Variants in NPAS1 observed in about 807,000 individuals in gnomAD.
NPAS1 encodes the protein neuronal PAS domain-containing protein 1.
A neutral mutation model predicts 49.2 loss-of-function variants in NPAS1; 29 were observed. That is an observed-to-expected ratio of 0.59 (90% CI 0.44 to 0.80). The LOEUF (loss-of-function observed/expected upper bound fraction) is 0.80. Among genes scored for constraint, NPAS1 ranks in the 30% least tolerant of loss-of-function variants. The pLI, the probability that NPAS1 is intolerant of heterozygous loss-of-function variation, is 0.00. For missense variants in NPAS1, 825 were observed against 835.5 expected (o/e 0.99, Z 0.15); for synonymous variants, 408 against 380.4 (o/e 1.07, Z -0.84).
At chr19:47,029,085 AT>A (rs2056890763) in intron 3 of NPAS1, among the ~76,000 whole-genome samples, 1 of 144,062 alleles carries the variant, frequency 6.9e-6, no homozygotes, top group Non-Finnish European at 1.5e-5. Flanking sequence ...TTTTGTTTTT[AT>A]TTTTGTTTTT....
At chr19:47,035,114 G>A (rs986640920) in intron 5 of NPAS1, among the ~76,000 whole-genome samples, 1 of 151,988 alleles carries the variant, frequency 6.6e-6, no homozygotes, top group Non-Finnish European at 1.5e-5. Flanking sequence ...CTGGGAGGCA[G>A]AGGTCACGGT....
intron 3 of NPAS1, among the ~76,000 whole-genome samples, chr19:47,028,238 G>T (rs1309753639): frequency 6.6e-6 from 1 of 152,138 alleles, no homozygotes; most frequent in Non-Finnish European, 1.5e-5. Flanking sequence ...CATTGTTCCT[G>T]CCTGTCACCC....
At position 47,045,328 on chromosome 19, in the gene NPAS1, TC is replaced by T. The variant is rs2057065617; in HGVS notation, c.1452del (p.Ser485AlafsTer19). ...GSEDSGDEDP[S>X]SHPATPRPEF... ...CGAGGACAGTGGCGACGAGGATCCC[TC>T]CAGCCACCCGGCCACACCGAGGCCC... On this transcript the variant is annotated frameshift_variant, in exon 12 of 12. Coordinates refer to ENST00000602212, the MANE Select transcript of NPAS1 (RefSeq NM_002517.4). LOFTEE classifies it low-confidence loss of function (END_TRUNC). 6.2e-7 allele frequency: 1 copy of T among 1,613,712 alleles called. No individual in the cohort carries two copies. Among genetic ancestry groups the T allele is most frequent in the South Asian group, 1.1e-5 (1 of 91,078 alleles).
chr19:47,042,592 C>T (rs924965307), intron 10 of NPAS1, among the ~76,000 whole-genome samples: 2 of 152,194 alleles, frequency 1.3e-5, no homozygotes, highest in Non-Finnish European at 2.9e-5. Context: ...AGGTGGCCAC[C>T]GGCTATCCAG....
chr19:47,037,338 C>CAAAAAAAAAAAAAA (rs869125845), intron 6 of NPAS1, among the ~76,000 whole-genome samples: 1 of 51,812 alleles, frequency 1.9e-5, no homozygotes, highest in African/African-American at 8.2e-5. Context: ...ACTCCGTCTC[C>CAAAAAAAAAAAAAA]AAAAAAAAAA....
chr19:47,042,830 C>T lies in NPAS1; in HGVS notation c.1238C>T (p.Thr413Ile). Residue 413 changes from threonine (T) to isoleucine (I), a missense_variant, in exon 11 of 12, where the codon ACT (threonine) becomes ATT (isoleucine). By Grantham distance (89) the Thr-to-Ile change is moderately conservative. Transcript: ENST00000602212. Reference protein sequence around the residue: ...HVLSQAEGGQTPLDAFQLPAS... With the variant: ...HVLSQAEGGQIPLDAFQLPAS... ...CCCAGCCAAGCCGAGGGTGGCCAAA[C>T]TCCTTTGGATGCCTTCCAGCTTCCA... The T allele has an allele frequency of 6.2e-7, 1 of 1,605,370 alleles. No individual in the cohort carries two copies.
Position 47,042,828 on chromosome 19 carries a change from A to G in NPAS1, c.1236A>G (p.Gln412=), listed in dbSNP as rs372608068. The G allele has an allele frequency of 4.4e-6, 7 of 1,605,238 alleles. No individual in the cohort carries two copies. Among genetic ancestry groups the G allele is most frequent in the Admixed American group, 1.7e-5 (1 of 58,998 alleles). ...SHVLSQAEGG[Q]TPLDAFQLPA... is the part of the protein sequence containing the mutation. ...TCCCCAGCCAAGCCGAGGGTGGCCA[A>G]ACTCCTTTGGATGCCTTCCAGCTTC... The change falls in exon 11 of 12, where the codon CAA becomes CAG. Residue 412 remains glutamine, a synonymous_variant. Transcript: ENST00000602212.
At chr19:47,038,613 A>T (rs1331389997) in intron 6 of NPAS1, among the ~76,000 whole-genome samples, 1 of 150,384 alleles carries the variant, frequency 6.6e-6, no homozygotes, top group African/African-American at 2.5e-5. Context: ...GATCCCTTGA[A>T]GTCAGGAGTT....
intron 3 of NPAS1, among the ~76,000 whole-genome samples, chr19:47,022,061 T>C (rs1196239006): frequency 1.3e-5 from 2 of 152,254 alleles, no homozygotes; most frequent in African/African-American, 4.8e-5. Flanking sequence ...TCGTGAATTC[T>C]GCCCTAAACA....
chr19:47,039,228 G>A, intron 7 of NPAS1, 77 bp downstream of exon 7: 1 of 1,487,558 alleles, frequency 6.7e-7, no homozygotes. Flanking sequence ...GAACCAGGCT[G>A]GTGGCTTCAC....
At chr19:47,020,065 C>T in intron 1 of NPAS1, 68 bp downstream of exon 1, 1 of 349,760 alleles carries the variant, frequency 2.9e-6, no homozygotes, top group Non-Finnish European at 5.1e-6. Context: ...GGCTGGAACT[C>T]CAGTGTCCTG....
intron 3 of NPAS1, among the ~76,000 whole-genome samples, chr19:47,029,524 C>T (rs150377215): frequency 2.4e-3 from 361 of 151,994 alleles, no homozygotes; most frequent in African/African-American, 8.1e-3. Context: ...CTCAGCCTCC[C>T]GAATAGCTGG....
intron 1 of NPAS1, among the ~76,000 whole-genome samples, chr19:47,020,380 G>T (rs988612748): frequency 6.6e-6 from 1 of 151,812 alleles, no homozygotes; most frequent in Non-Finnish European, 1.5e-5. Flanking sequence ...CTGCGTCCGG[G>T]GCTGGGGCTC....
At chr19:47,044,355 G>C (rs145787370) in intron 11 of NPAS1, among the ~76,000 whole-genome samples, 2 of 151,938 alleles carry the variant, frequency 1.3e-5, no homozygotes, top group East Asian at 3.9e-4. Flanking sequence ...TTACAGGCAT[G>C]AGCCACCATG....
At position 47,039,398 on chromosome 19, in the gene NPAS1, C is replaced by T. The variant is rs1194937176; in HGVS notation, c.805-9C>T. 1.2e-6 allele frequency: 2 copies of T among 1,611,486 alleles called. No individual in the cohort carries two copies. Among genetic ancestry groups the T allele is most frequent in the African/African-American group, 1.3e-5 (1 of 74,856 alleles). On this transcript the variant is annotated splice_polypyrimidine_tract_variant and intron_variant, in intron 7 of 11. Coordinates refer to ENST00000602212, the MANE Select transcript of NPAS1 (RefSeq NM_002517.4). ...TTGTCCCTCCTCCAACCATGCCCAC[C>T]ACCAGCAGGTCATCCACGTGACTGG...
At chr19:47,038,226 G>A (rs1007494649) in intron 6 of NPAS1, among the ~76,000 whole-genome samples, 1 of 152,164 alleles carries the variant, frequency 6.6e-6, no homozygotes, top group South Asian at 2.1e-4. Flanking sequence ...GCATTAGAAA[G>A]ACGTAGATGG....
Position 47,039,265 on chromosome 19 carries a change from G to T in NPAS1, c.804+114G>T, listed in dbSNP as rs566078906. ...GGCTGCAGGTGGCTTAGGGAACTGG[G>T]TCTGGGAATGGGACTGGGGGGGTCA... On this transcript the variant is annotated intron_variant, in intron 7 of 11. Transcript: ENST00000602212. 218 of 1,463,204 alleles carry T rather than the reference G, an allele frequency of 1.5e-4. No homozygotes were observed. In the Middle Eastern group the frequency reaches 4.7e-3, roughly 32 times the overall value. The allele number at this position is 1,463,204 out of a possible 1,614,324, so 90.6% of individuals were successfully genotyped here.
At position 47,020,194 on chromosome 19, in the gene NPAS1, A is replaced by G. The variant is rs112291218; in HGVS notation, c.-43+197A>G. On this transcript the variant is annotated intron_variant, in intron 1 of 11. Transcript: ENST00000602212. ...ACACGGGGGTCTGGGGCATCTGGAC[A>G]CCTGGCTGGGAGGTTTGGGGGCGGC... Among the ~76,000 whole-genome samples the G allele has an allele frequency of 4.1e-5, 6 of 145,686 alleles. 1 individual carries two copies. The highest frequency in any genetic ancestry group is 2.0e-4 in the East Asian group (1 of 4,912).
Position 47,020,456 on chromosome 19 carries a change from C to T in NPAS1, c.-43+459C>T, listed in dbSNP as rs1179853731. Among the ~76,000 whole-genome samples the T allele has an allele frequency of 3.3e-5, 5 of 151,742 alleles. No homozygotes were observed. The East Asian group carries it at 9.8e-4, about 30-fold the overall frequency. ...ATGTGGCGGTCCGAACACGTGGCGC[C>T]ATCCCGAGAGGCTGGGGGGATCCCT... On this transcript the variant is annotated intron_variant, in intron 1 of 11. Coordinates refer to ENST00000602212, the MANE Select transcript of NPAS1 (RefSeq NM_002517.4).
Sources: gnomAD v4.1 joint callset for allele counts (sites outside exome capture counted in the v4.1 genomes callset) on GRCh38, gnomAD v4.1.1 for gene constraint, MANE v1.5 for transcripts, NCBI Gene and HGNC (gene_info 2026-07-23, HGNC 2026-07-21) for gene names.